Variants in PUM2 observed in about 807,000 individuals in gnomAD.
PUM2 encodes the protein pumilio RNA binding family member 2, also known as pumilio homolog 2.
Under a neutral mutation model 124.5 loss-of-function variants are expected in PUM2, and 57 were observed. That is an observed-to-expected ratio of 0.46 (90% confidence interval 0.37 to 0.57). PUM2 has a LOEUF of 0.57. PUM2 is among the 20% of genes least tolerant of loss of function. PUM2 has a pLI of 0.00. For synonymous variants in PUM2, 460 were observed against 446.1 expected (o/e 1.03, Z -0.39); for missense variants, 1,065 against 1,290.6 (o/e 0.83, Z 2.68).
chr2:20,324,465 G>A (rs987914666), intron 2 of PUM2, among the ~76,000 whole-genome samples: 1 of 152,178 alleles, frequency 6.6e-6, no homozygotes, highest in African/African-American at 2.4e-5. Context: ...ATTTTCTGAA[G>A]AATTTCAGAC....
At chr2:20,281,423 C>T (rs1047156125) in intron 12 of PUM2, among the ~76,000 whole-genome samples, 5 of 152,074 alleles carry the variant, frequency 3.3e-5, no homozygotes, top group East Asian at 1.9e-4. Flanking sequence ...CTGAACCAGA[C>T]GATCAGTGAC....
chr2:20,280,861 A>G (rs1186163041), intron 12 of PUM2, among the ~76,000 whole-genome samples: 1 of 152,170 alleles, frequency 6.6e-6, no homozygotes, highest in Non-Finnish European at 1.5e-5. Context: ...AAAAAATAAC[A>G]GGTCATAGAA....
At chr2:20,274,635 C>T (rs1254454723) in intron 13 of PUM2, among the ~76,000 whole-genome samples, 1 of 151,868 alleles carries the variant, frequency 6.6e-6, no homozygotes, top group Non-Finnish European at 1.5e-5. Context: ...GGGTTCAAAG[C>T]CCACATTACA....
chr2:20,262,303 C>T (rs772877947), intron 14 of PUM2, among the ~76,000 whole-genome samples: 7 of 152,206 alleles, frequency 4.6e-5, no homozygotes, highest in Non-Finnish European at 8.8e-5. Context: ...CCCCTACACA[C>T]GCATATGATT....
At chr2:20,269,497 TAAC>T (rs1668533550) in intron 13 of PUM2, among the ~76,000 whole-genome samples, 1 of 152,062 alleles carries the variant, frequency 6.6e-6, no homozygotes. Context: ...ATGCTTATAA[TAAC>T]TATACATTTG....
chr2:20,284,310 A>C (rs1237199203), intron 10 of PUM2, among the ~76,000 whole-genome samples: 1 of 152,140 alleles, frequency 6.6e-6, no homozygotes, highest in African/African-American at 2.4e-5. Flanking sequence ...GCGACAAAAA[A>C]CTGAGGCCCA....
intron 13 of PUM2, among the ~76,000 whole-genome samples, chr2:20,276,258 C>CTT (rs36031998): frequency 0.012 from 1,655 of 143,214 alleles, 27 homozygotes; most frequent in African/African-American, 0.028. Context: ...AAAATGAAAA[C>CTT]TTTTTTTTTT....
At chr2:20,334,996 AGAGTACAGT>A (rs1374717146) in intron 1 of PUM2, among the ~76,000 whole-genome samples, 3 of 152,130 alleles carry the variant, frequency 2.0e-5, no homozygotes, top group Non-Finnish European at 4.4e-5. Flanking sequence ...CACCGAAGCT[AGAGTACAGT>A]GGGGCAATCA....
chr2:20,305,537 A>C (rs150582190), intron 7 of PUM2, among the ~76,000 whole-genome samples: 114 of 151,490 alleles, frequency 7.5e-4, no homozygotes, highest in African/African-American at 2.4e-3. Flanking sequence ...ACACTAAAAA[A>C]CGTGAAAAAA....
intron 1 of PUM2, among the ~76,000 whole-genome samples, chr2:20,336,746 A>ATG (rs1491533264): frequency 4.5e-4 from 39 of 87,382 alleles, no homozygotes; most frequent in Middle Eastern, 7.1e-3. Flanking sequence ...GCCCAGGCTG[A>ATG]TCTGTGTGTG....
At chr2:20,296,319 C>T (rs1675526655) in intron 8 of PUM2, among the ~76,000 whole-genome samples, 1 of 152,106 alleles carries the variant, frequency 6.6e-6, no homozygotes, top group Non-Finnish European at 1.5e-5. Flanking sequence ...CACAGTGAAA[C>T]CCCGTCTCTA....
intron 3 of PUM2, among the ~76,000 whole-genome samples, 169 bp from the exon 4 acceptor site, chr2:20,312,592 T>G (rs1234284116): frequency 6.6e-6 from 1 of 152,178 alleles, no homozygotes; most frequent in Non-Finnish European, 1.5e-5. Flanking sequence ...TGGAAGAACA[T>G]TCCATGCTCA....
At chr2:20,311,459 A>G (rs1475818439) in intron 5 of PUM2, 35 bp downstream of exon 5, 1 of 1,567,130 alleles carries the variant, frequency 6.4e-7, no homozygotes, top group East Asian at 2.2e-5. Flanking sequence ...CCCTAAAAAG[A>G]TACGCTTTTC....
At chr2:20,306,668 G>A (rs999971990) in intron 7 of PUM2, among the ~76,000 whole-genome samples, 1 of 149,898 alleles carries the variant, frequency 6.7e-6, no homozygotes, top group Non-Finnish European at 1.5e-5. Context: ...GAGTGCAGTG[G>A]TGCAATCTTG....
At position 20,255,530 on chromosome 2, in the gene PUM2, C is replaced by T. The variant is rs762871995; in HGVS notation, c.2623-189G>A. Among the ~76,000 whole-genome samples the T allele has an allele frequency of 3.3e-5, 5 of 151,706 alleles. 1 individual carries two copies. Among genetic ancestry groups the T allele is most frequent in the Non-Finnish European group, 7.4e-5 (5 of 67,962 alleles). Reference sequence around the variant, plus strand: ...GACTGGAGAGTGGGGACAGGGAGCACTCCATTTAGGAGCTGAAGATATTTT... The same window carrying T: ...GACTGGAGAGTGGGGACAGGGAGCATTCCATTTAGGAGCTGAAGATATTTT... On this transcript the variant is annotated intron_variant, in intron 17 of 20. Coordinates refer to ENST00000361078, the MANE Select transcript of PUM2 (RefSeq NM_015317.5).
chr2:20,256,886 T>C (rs146366909), intron 16 of PUM2, among the ~76,000 whole-genome samples: 32 of 151,252 alleles, frequency 2.1e-4, no homozygotes, highest in Admixed American at 9.9e-4. Flanking sequence ...CTACCAAAAA[T>C]ACAAAAAACT....
rs1264917168 is a variant in PUM2, at chr2:20,258,341, C to T, written c.2386G>A (p.Ala796Thr). Residue 796 changes from alanine (A) to threonine (T), a missense_variant, in exon 16 of 21, where the codon GCT becomes ACT. Physicochemically the swap from Ala to Thr is moderately conservative, Grantham distance 58 (BLOSUM62 0). Around this residue, in one of 3 missense-constraint regions of PUM2, gnomAD observed 968 missense variants for 1,159.8 expected, o/e 0.83. Transcript: ENST00000361078. Reference protein sequence around the residue: ...FGSLDQKLALATRIRGHVLPL... With the variant: ...FGSLDQKLALTTRIRGHVLPL... Reference sequence around the variant, plus strand: ...AGAACATGACCACGAATACGAGTAGCCAGGGCTAATTTTTGATCCAGACTC... The same window carrying T: ...AGAACATGACCACGAATACGAGTAGTCAGGGCTAATTTTTGATCCAGACTC... The T allele has an allele frequency of 6.2e-7, 1 of 1,612,238 alleles. No individual in the cohort carries two copies. Among genetic ancestry groups the T allele is most frequent in the East Asian group, 2.2e-5 (1 of 44,774 alleles).
chr2:20,316,055 T>C (rs112040545), intron 3 of PUM2, among the ~76,000 whole-genome samples: 2,640 of 152,164 alleles, frequency 0.017, 88 homozygotes, highest in African/African-American at 0.06. Flanking sequence ...GAGTCTAACC[T>C]AATATAGGTT....
chr2:20,351,721 T>A (rs575860399), upstream of PUM2, among the ~76,000 whole-genome samples: 163 of 152,308 alleles, frequency 1.1e-3, 1 homozygote, highest in African/African-American at 3.9e-3. Context: ...TGATGGTTTG[T>A]TTGCACAGCT....
Sources: gnomAD v4.1 joint callset for allele counts (sites outside exome capture counted in the v4.1 genomes callset) on GRCh38, gnomAD v4.1.1 for gene constraint, gnomAD v4.1.1 regional missense constraint, MANE v1.5 for transcripts, NCBI Gene and HGNC (gene_info 2026-07-23, HGNC 2026-07-21) for gene names.